ARHGAP26: variants seen among roughly 807,000 people sequenced by gnomAD.
ARHGAP26 encodes the protein Rho GTPase activating protein 26.
In ARHGAP26, 38 loss-of-function variants were observed where a neutral mutation model predicts 104.8. The observed-to-expected ratio is 0.36, with a 90% CI of 0.28 to 0.48. ARHGAP26 has a LOEUF of 0.48. Among genes scored for constraint, ARHGAP26 ranks in the 20% least tolerant of loss-of-function variants. The pLI is 0.99. For missense variants in ARHGAP26, 704 were observed against 947.9 expected (o/e 0.74, Z 3.38); for synonymous variants, 341 against 340.0 (o/e 1.00, Z -0.03).
In ARHGAP26 at chr5:143,045,093, A is replaced by C. The variant is rs141197496; in HGVS notation, c.1285+3203A>C. ...AGTTGTGTTAAGCAAAAGAGTGGTT[A>C]TGAAAGGATCTTGTTTTTATCACTT... On this transcript the variant is annotated intron_variant, in intron 14 of 22. Coordinates refer to ENST00000645722, the MANE Select transcript of ARHGAP26 (RefSeq NM_001135608.3). 2.5e-3 allele frequency among the ~76,000 whole-genome samples: 375 copies of C among 152,362 alleles called. 1 individual carries two copies. The highest frequency in any genetic ancestry group is 8.3e-3 in the African/African-American group (344 of 41,590).
chr5:142,856,766 A>G (rs1752422721), intron 1 of ARHGAP26, among the ~76,000 whole-genome samples: 1 of 152,232 alleles, frequency 6.6e-6, no homozygotes. Flanking sequence ...GATTTAAAGT[A>G]TACAGAAGGA....
intron 1 of ARHGAP26, among the ~76,000 whole-genome samples, chr5:142,797,099 T>A (rs1412437949): frequency 2.0e-5 from 3 of 152,242 alleles, no homozygotes; most frequent in African/African-American, 7.2e-5. Flanking sequence ...GGGAAGTCAC[T>A]GTAAGTTTTT....
intron 11 of ARHGAP26, among the ~76,000 whole-genome samples, chr5:142,973,723 A>T (rs924126574): frequency 6.7e-6 from 1 of 148,642 alleles, no homozygotes; most frequent in Admixed American, 6.6e-5. Flanking sequence ...ATACCTTAAG[A>T]CCCAGGACAT....
chr5:142,935,493 A>G (rs1765284387), intron 11 of ARHGAP26, among the ~76,000 whole-genome samples: 1 of 152,250 alleles, frequency 6.6e-6, no homozygotes, highest in African/African-American at 2.4e-5. Flanking sequence ...TATTATTTAC[A>G]AAAACAGATG....
intron 1 of ARHGAP26, among the ~76,000 whole-genome samples, chr5:142,859,202 C>T (rs780962581): frequency 3.9e-5 from 6 of 152,024 alleles, no homozygotes; most frequent in East Asian, 1.9e-4. Context: ...AGGAGGGAAG[C>T]GGGGAGGCCA....
In ARHGAP26 at chr5:143,224,179, G is replaced by T. The variant is rs1811477465; in HGVS notation, c.*1733G>T. The stretch of plus-strand genomic sequence containing the variant: ...TACTATATGGCAAAGTTTTATATTT[G>T]ATATTCTTTAAGTTAGTTGCTCACA... On this transcript the variant is annotated 3_prime_UTR_variant, in exon 23 of 23. Transcript: ENST00000645722. The T allele has an allele frequency of 4.4e-6, 1 of 229,158 alleles. No homozygotes were observed. The highest frequency in any genetic ancestry group is 8.7e-6 in the Non-Finnish European group (1 of 115,550). 14.2% of individuals were successfully genotyped at this position (229,158 alleles called of 1,614,324 possible).
chr5:143,124,855 T>A (rs528961726), intron 18 of ARHGAP26, among the ~76,000 whole-genome samples: 1 of 152,362 alleles, frequency 6.6e-6, no homozygotes, highest in East Asian at 1.9e-4. Flanking sequence ...CCAGCAAGTT[T>A]GCATTTAGTT....
chr5:142,928,227 G>T (rs796939762), intron 10 of ARHGAP26, among the ~76,000 whole-genome samples: 1 of 131,532 alleles, frequency 7.6e-6, no homozygotes, highest in Non-Finnish European at 1.6e-5. Flanking sequence ...TTTTGTGTGT[G>T]TGTGTTTTTT....
intron 11 of ARHGAP26, among the ~76,000 whole-genome samples, chr5:142,996,925 A>G (rs746902551): frequency 6.6e-6 from 1 of 152,180 alleles, no homozygotes; most frequent in Admixed American, 6.5e-5. Context: ...AGAGTAGGCT[A>G]TGGAACTCTC....
At chr5:142,813,458 G>T (rs1243813794) in intron 1 of ARHGAP26, among the ~76,000 whole-genome samples, 3 of 150,688 alleles carry the variant, frequency 2.0e-5, no homozygotes, top group Admixed American at 6.6e-5. Flanking sequence ...GAGGGAACTG[G>T]GTGACAGGGG....
chr5:142,864,730 C>G (rs73286454), intron 1 of ARHGAP26, among the ~76,000 whole-genome samples: 2,573 of 152,340 alleles, frequency 0.017, 74 homozygotes, highest in African/African-American at 0.059. Flanking sequence ...CCTGTCCTCT[C>G]TCTTCCAGAA....
chr5:142,792,342 G>C (rs372301500), intron 1 of ARHGAP26, among the ~76,000 whole-genome samples: 1 of 152,204 alleles, frequency 6.6e-6, no homozygotes, highest in Non-Finnish European at 1.5e-5. Context: ...TTTTAGGCTT[G>C]CTAAGTAAAA....
Position 143,133,999 on chromosome 5 carries a change from C to A in ARHGAP26, c.1731C>A (p.Thr577=), listed in dbSNP as rs769121957. 4.3e-6 allele frequency: 7 copies of A among 1,612,688 alleles called. No individual in the cohort carries two copies. Among genetic ancestry groups the A allele is most frequent in the Non-Finnish European group, 5.9e-6 (7 of 1,179,330 alleles). The change falls in exon 19 of 23, where the codon ACC becomes ACA. Residue 577 remains threonine (T), a synonymous_variant. Coordinates refer to ENST00000645722, the MANE Select transcript of ARHGAP26 (RefSeq NM_001135608.3). The part of the protein sequence containing the change: ...IFNTVPDMPL[T]NAQLHLSRKK... ...ACACCGTGCCCGATATGCCTCTCAC[C>A]AATGCCCAGCTGCACCTGTCTCGGA...
chr5:143,198,255 A>C (rs1807171233), intron 20 of ARHGAP26, among the ~76,000 whole-genome samples: 1 of 152,234 alleles, frequency 6.6e-6, no homozygotes, highest in South Asian at 2.1e-4. Context: ...GGGATTTCTT[A>C]GCAACTATTC....
In ARHGAP26 at chr5:143,054,532, G is replaced by C; in HGVS notation, c.1373+6G>C. On this transcript the variant is annotated splice_donor_region_variant and intron_variant, in intron 15 of 22. Transcript: ENST00000645722. ...GCTCTGAAGACCTACCTAAGGTAGG[G>C]ACTTTCCATTTGCAAGGCAGAGTGC... is the stretch of plus-strand genomic sequence containing the variant. 1 of 1,589,536 alleles carries C rather than the reference G, an allele frequency of 6.3e-7. No individual in the cohort carries two copies. The highest frequency in any genetic ancestry group is 1.1e-5 in the South Asian group (1 of 89,368).
intron 1 of ARHGAP26, among the ~76,000 whole-genome samples, chr5:142,847,004 G>T (rs552494316): frequency 1.3e-5 from 2 of 151,930 alleles, no homozygotes; most frequent in Non-Finnish European, 2.9e-5. Context: ...AATGGGTAGC[G>T]GGGGGTGATT....
At chr5:142,935,863 AG>A (rs1263517020) in intron 11 of ARHGAP26, among the ~76,000 whole-genome samples, 1 of 152,138 alleles carries the variant, frequency 6.6e-6, no homozygotes, top group Non-Finnish European at 1.5e-5. Flanking sequence ...AACTTGGCCA[AG>A]GGGGGAAATG....
chr5:142,884,089 G>A (rs1240533581), intron 4 of ARHGAP26, among the ~76,000 whole-genome samples: 1 of 152,210 alleles, frequency 6.6e-6, no homozygotes, highest in Non-Finnish European at 1.5e-5. Flanking sequence ...GTCAAAAGCA[G>A]GAATAATGTA....
At chr5:142,881,782 G>T (rs752122554) in intron 4 of ARHGAP26, among the ~76,000 whole-genome samples, 28 of 152,214 alleles carry the variant, frequency 1.8e-4, no homozygotes, top group African/African-American at 6.8e-4. Flanking sequence ...CTCAGAGCCA[G>T]CAAGTGCTCT....
Sources: gnomAD v4.1 joint callset for allele counts (sites outside exome capture counted in the v4.1 genomes callset) on GRCh38, gnomAD v4.1.1 for gene constraint, MANE v1.5 for transcripts, NCBI Gene and HGNC (gene_info 2026-07-23, HGNC 2026-07-21) for gene names.